CDK15: variants seen among roughly 807,000 people sequenced by gnomAD.
CDK15 encodes the protein cyclin-dependent kinase 15.
CDK15 carries 62 observed loss-of-function variants against 60.3 expected under a neutral mutation model. That is an observed-to-expected ratio of 1.03 (90% CI 0.84 to 1.27). CDK15 has a LOEUF of 1.27. Among genes scored for constraint, CDK15 ranks in the 50% most tolerant of loss-of-function variants. CDK15 has a pLI of 0.00. For synonymous variants in CDK15, 194 were observed against 195.7 expected (o/e 0.99, Z 0.07); for missense variants, 541 against 527.8 (o/e 1.03, Z -0.25).
At chr2:201,879,396 T>C (rs1305907838) in intron 11 of CDK15, among the ~76,000 whole-genome samples, 1 of 152,210 alleles carries the variant, frequency 6.6e-6, no homozygotes, top group African/African-American at 2.4e-5. Flanking sequence ...GTTTGTTTGT[T>C]TGAGACAGAG....
intron 10 of CDK15, chr2:201,860,833 C>G: frequency 7.4e-7 from 1 of 1,352,134 alleles, no homozygotes. Flanking sequence ...CTCATTTTGA[C>G]CTTAAATCCA....
At chr2:201,807,408 G>A in intron 1 of CDK15, 86 bp from the exon 2 acceptor site, 2 of 1,373,302 alleles carry the variant, frequency 1.5e-6, no homozygotes, top group Non-Finnish European at 2.0e-6. Flanking sequence ...GAGTGAAAAT[G>A]AGGCAAATAA....
Position 201,833,874 on chromosome 2 carries a change from C to A in CDK15, c.633C>A (p.Gly211=). 1 of 1,613,822 alleles carries A rather than the reference C, an allele frequency of 6.2e-7. No homozygotes were observed. Among genetic ancestry groups the A allele is most frequent in the Non-Finnish European group, 8.5e-7 (1 of 1,179,888 alleles). The part of the protein sequence containing the change: ...VRLFMFQLLR[G]LAYIHHQHVL... ...TTTTCATGTTTCAACTTTTGCGGGG[C>A]CTGGCGTACATCCACCACCAACACG... Residue 211 remains glycine, a synonymous_variant, in exon 7 of 14, where the codon GGC becomes GGA. Transcript: ENST00000652192.
intron 11 of CDK15, 55 bp downstream of exon 11, chr2:201,872,381 G>A: frequency 6.4e-7 from 1 of 1,569,008 alleles, no homozygotes; most frequent in Non-Finnish European, 8.8e-7. Flanking sequence ...GGATTGGAGA[G>A]ACATTTCCCT....
chr2:201,872,703 T>TC (rs1464172320), intron 11 of CDK15, among the ~76,000 whole-genome samples: 9 of 152,052 alleles, frequency 5.9e-5, no homozygotes, highest in Admixed American at 3.9e-4. Context: ...GGTCATGCTT[T>TC]CCCAGGCCCT....
intron 8 of CDK15, among the ~76,000 whole-genome samples, chr2:201,838,152 A>G (rs1320339144): frequency 6.6e-6 from 1 of 152,038 alleles, no homozygotes; most frequent in Non-Finnish European, 1.5e-5. Context: ...AAGAGTATAT[A>G]TAACATATAT....
At chr2:201,873,857 A>G (rs60461468) in intron 11 of CDK15, among the ~76,000 whole-genome samples, 98,342 of 152,070 alleles carry the variant, frequency 0.65, 34,624 homozygotes, top group East Asian at 0.89. Flanking sequence ...GTTCAAGACC[A>G]GCCTGGCCAA....
chr2:201,820,209 G>T (rs564485220), intron 4 of CDK15, among the ~76,000 whole-genome samples: 2 of 152,266 alleles, frequency 1.3e-5, no homozygotes, highest in African/African-American at 2.4e-5. Flanking sequence ...GGGAAAGAGA[G>T]AAATTTATGA....
At chr2:201,890,560 T>C (rs1306058356) in intron 12 of CDK15, among the ~76,000 whole-genome samples, 1 of 152,230 alleles carries the variant, frequency 6.6e-6, no homozygotes, top group East Asian at 1.9e-4. Flanking sequence ...CTTGCACAAG[T>C]GTTCACTTGG....
chr2:201,847,539 C>A, intron 9 of CDK15, 65 bp downstream of exon 9: 2 of 1,405,856 alleles, frequency 1.4e-6, no homozygotes, highest in African/African-American at 1.4e-5. Flanking sequence ...CCAAATTTGC[C>A]TTACAGACAA....
At position 201,882,242 on chromosome 2, in the gene CDK15, G is replaced by A. The variant is rs1699304609; in HGVS notation, c.1198+2075G>A. Among the ~76,000 whole-genome samples the A allele has an allele frequency of 6.6e-6, 1 of 151,670 alleles. No individual in the cohort carries two copies. Among genetic ancestry groups the A allele is most frequent in the African/African-American group, 2.4e-5 (1 of 41,280 alleles). On this transcript the variant is annotated intron_variant, in intron 12 of 13. Coordinates refer to ENST00000652192, the MANE Select transcript of CDK15 (RefSeq NM_001366386.2). The surrounding 1 kb of genome is among the most constrained non-coding windows in gnomAD (Gnocchi z 4.0). ...GAGAGAGAGACAGAGAGAACAATCT[G>A]TATTCCTTCCCTGTTCGCCCAGTCA...
At chr2:201,853,244 G>C (rs1258045303) in intron 9 of CDK15, among the ~76,000 whole-genome samples, 1 of 152,210 alleles carries the variant, frequency 6.6e-6, no homozygotes, top group Admixed American at 6.5e-5. Context: ...CAGGGTGGTT[G>C]ATAGGAAAAG....
chr2:201,865,092 A>G (rs544094184), intron 10 of CDK15, among the ~76,000 whole-genome samples: 7 of 152,304 alleles, frequency 4.6e-5, no homozygotes, highest in African/African-American at 1.7e-4. Flanking sequence ...TACCATGGAA[A>G]TCATATGGCC....
chr2:201,831,067 A>G (rs1696730245), intron 6 of CDK15, among the ~76,000 whole-genome samples: 1 of 152,200 alleles, frequency 6.6e-6, no homozygotes, highest in South Asian at 2.1e-4. Context: ...TATGAAGCTA[A>G]ACAGAGGAAG....
intron 9 of CDK15, among the ~76,000 whole-genome samples, chr2:201,853,598 T>TGCTTCTAA (rs1698002719): frequency 6.6e-6 from 1 of 152,148 alleles, no homozygotes; most frequent in Admixed American, 6.5e-5. Flanking sequence ...AGAGTTATAG[T>TGCTTCTAA]GAGATATGCT....
chr2:201,812,665 G>GA, intron 4 of CDK15, 103 bp downstream of exon 4: 1 of 567,806 alleles, frequency 1.8e-6, no homozygotes, highest in Non-Finnish European at 3.0e-6. Flanking sequence ...GATTCTTCTG[G>GA]AATACTATAA....
At chr2:201,879,834 A>G (rs1005392559) in intron 11 of CDK15, among the ~76,000 whole-genome samples, 194 bp from the exon 12 acceptor site, 1 of 152,192 alleles carries the variant, frequency 6.6e-6, no homozygotes, top group East Asian at 1.9e-4. Context: ...CCTTCAACTT[A>G]GTAACAGGAC....
At chr2:201,843,643 CAT>C (rs1183116267) in intron 8 of CDK15, among the ~76,000 whole-genome samples, 2 of 151,984 alleles carry the variant, frequency 1.3e-5, no homozygotes, top group African/African-American at 2.4e-5. Context: ...ACACTATATA[CAT>C]AGTGTGTGTG....
intron 7 of CDK15, among the ~76,000 whole-genome samples, chr2:201,835,303 G>C (rs867546646): frequency 1.3e-5 from 2 of 152,050 alleles, no homozygotes; most frequent in African/African-American, 4.8e-5. Context: ...GCTCATCACA[G>C]CCCAGAGGAG....
Sources: allele counts gnomAD v4.1 joint callset (sites outside exome capture counted in the v4.1 genomes callset), GRCh38; gene constraint gnomAD v4.1.1; non-coding constraint Gnocchi (gnomAD v3.1); transcripts MANE v1.5; gene names NCBI Gene and HGNC (gene_info 2026-07-23, HGNC 2026-07-21).